The following GUCY1A2 variants were observed in gnomAD, a reference collection of about 807,000 sequenced individuals.
GUCY1A2 encodes guanylate cyclase 1 soluble subunit alpha 2.
In GUCY1A2, 27 loss-of-function variants were observed where a neutral mutation model predicts 63.5. That is an observed-to-expected ratio of 0.43 (90% CI 0.31 to 0.59). The LOEUF (loss-of-function observed/expected upper bound fraction) is 0.59. Ranked by LOEUF, GUCY1A2 falls within the 20% of genes least tolerant of loss-of-function variation. The pLI, the probability that GUCY1A2 is intolerant of heterozygous loss-of-function variation, is 0.11. For synonymous variants in GUCY1A2, 364 were observed against 343.5 expected (o/e 1.06, Z -0.66); for missense variants, 768 against 913.3 (o/e 0.84, Z 2.05).
chr11:106,751,203 C>A (rs1863876728), intron 6 of GUCY1A2, among the ~76,000 whole-genome samples: 1 of 152,046 alleles, frequency 6.6e-6, no homozygotes, highest in Non-Finnish European at 1.5e-5. Context: ...GCAGAAATAG[C>A]TAATTATTCA....
intron 7 of GUCY1A2, among the ~76,000 whole-genome samples, chr11:106,692,516 T>TA (rs1862642418): frequency 1.3e-5 from 2 of 152,156 alleles, no homozygotes. Context: ...CTCTTGTTTT[T>TA]ATGCTCATTT....
At chr11:106,797,982 G>T (rs1011543412) in intron 5 of GUCY1A2, among the ~76,000 whole-genome samples, 1 of 152,074 alleles carries the variant, frequency 6.6e-6, no homozygotes, top group East Asian at 1.9e-4. Flanking sequence ...CCAGGAGCTG[G>T]TTTTTTGAAA....
At chr11:106,709,504 A>AT (rs1565264801) in intron 6 of GUCY1A2, among the ~76,000 whole-genome samples, 1 of 51,478 alleles carries the variant, frequency 1.9e-5, no homozygotes, top group Non-Finnish European at 3.0e-5. Context: ...ATATAATAAT[A>AT]TATATTATTC....
rs112284213 is a variant in GUCY1A2, at chr11:106,961,895, C to T, written c.487+16724G>A. Among the ~76,000 whole-genome samples, 51 of 152,290 alleles carry T rather than the reference C, an allele frequency of 3.3e-4. No homozygotes were observed. The Middle Eastern group carries it at 0.01, about 30-fold the overall frequency. On this transcript the variant is annotated intron_variant, in intron 3 of 7. Transcript: ENST00000526355. Reference sequence around the variant, plus strand: ...GTAACCTTGTTCTAAGTAGAAATCTCCCAATGTAGGCAATCTTCATTTTAA... The same window carrying T: ...GTAACCTTGTTCTAAGTAGAAATCTTCCAATGTAGGCAATCTTCATTTTAA...
chr11:106,839,623 T>C (rs1287168691), intron 4 of GUCY1A2, among the ~76,000 whole-genome samples: 2 of 151,742 alleles, frequency 1.3e-5, no homozygotes, highest in African/African-American at 4.8e-5. Context: ...TGTCCAACAA[T>C]GATAGACTGG....
Position 106,727,627 on chromosome 11 carries a change from G to C in GUCY1A2, c.1837-18961C>G, listed in dbSNP as rs1034090195. ...ATTTAAAAAGAATTCAGTGAAAAAA[G>C]ATATACACATTTATGGAAAAAAAAT... is the stretch of plus-strand genomic sequence containing the variant. On this transcript the variant is annotated intron_variant, in intron 6 of 7. Transcript: ENST00000526355. 3.3e-5 allele frequency among the ~76,000 whole-genome samples: 5 copies of C among 152,048 alleles called. No homozygotes were observed. The East Asian group carries it at 9.7e-4, about 29-fold the overall frequency.
chr11:106,986,491 T>C (rs1025424973), intron 1 of GUCY1A2, among the ~76,000 whole-genome samples: 17 of 152,194 alleles, frequency 1.1e-4, no homozygotes, highest in African/African-American at 4.1e-4. Flanking sequence ...CGGTTTTTCC[T>C]TTCCAGCATA....
chr11:106,793,651 A>G (rs77120934), intron 5 of GUCY1A2, among the ~76,000 whole-genome samples: 6,828 of 152,226 alleles, frequency 0.045, 151 homozygotes, highest in East Asian at 0.095. Flanking sequence ...ATACAACTCA[A>G]TAGCAAAAAC....
chr11:107,012,791 ATC>A (rs1399512178), intron 1 of GUCY1A2, among the ~76,000 whole-genome samples: 3 of 152,212 alleles, frequency 2.0e-5, no homozygotes, highest in Non-Finnish European at 4.4e-5. Context: ...ATGGTAATGA[ATC>A]TGTTTCTATA....
chr11:106,775,531 T>C (rs1233854596), intron 6 of GUCY1A2, among the ~76,000 whole-genome samples: 3 of 151,952 alleles, frequency 2.0e-5, no homozygotes, highest in African/African-American at 7.3e-5. Flanking sequence ...TTCCTGTTCC[T>C]GTGAGCTCAG....
In GUCY1A2 at chr11:106,939,913, C is replaced by G; in HGVS notation, c.753G>C (p.Leu251=). ...TCTTTCCTGCAGCCTTAATCATCCC[C>G]AGCATTGCAAACCCCACAATATGGT... ...HPHHIVGFAM[L]GMIKAAGKKI... Residue 251 remains leucine (L), a synonymous_variant, in exon 4 of 8, where the codon CTG becomes CTC. Coordinates refer to ENST00000526355, the MANE Select transcript of GUCY1A2 (RefSeq NM_000855.3). 1 of 1,614,146 alleles carries G rather than the reference C, an allele frequency of 6.2e-7. No individual in the cohort carries two copies. Among genetic ancestry groups the G allele is most frequent in the East Asian group, 2.2e-5 (1 of 44,880 alleles).
At chr11:106,811,491 T>G (rs1314837084) in intron 4 of GUCY1A2, among the ~76,000 whole-genome samples, 2 of 152,130 alleles carry the variant, frequency 1.3e-5, no homozygotes, top group African/African-American at 4.8e-5. Context: ...GTTCCACTAC[T>G]ACATGGAATG....
chr11:106,965,418 T>C (rs1861115106), intron 3 of GUCY1A2, among the ~76,000 whole-genome samples: 2 of 152,200 alleles, frequency 1.3e-5, no homozygotes, highest in African/African-American at 2.4e-5. Flanking sequence ...TGTATACATG[T>C]ATGTGTATGT....
chr11:106,901,929 T>C (rs974740036), intron 4 of GUCY1A2, among the ~76,000 whole-genome samples: 1 of 152,168 alleles, frequency 6.6e-6, no homozygotes, highest in African/African-American at 2.4e-5. Context: ...CTATTGTGAA[T>C]AGTGCCGCAA....
Position 106,792,095 on chromosome 11 carries a change from T to A in GUCY1A2, c.1693-15513A>T, listed in dbSNP as rs1864672973. 7.2e-5 allele frequency among the ~76,000 whole-genome samples: 11 copies of A among 152,178 alleles called. No individual in the cohort carries two copies. The South Asian group carries it at 2.3e-3, about 32-fold the overall frequency. On this transcript the variant is annotated intron_variant, in intron 5 of 7. Transcript: ENST00000526355. ...GAATCCAGCAACAAATCAAAAAGCT[T>A]ACCCACTAACAGCCGGGCGTGGTGG... is the stretch of plus-strand genomic sequence containing the variant.
intron 3 of GUCY1A2, among the ~76,000 whole-genome samples, chr11:106,959,800 C>A (rs1861036731): frequency 6.6e-6 from 1 of 152,210 alleles, no homozygotes; most frequent in African/African-American, 2.4e-5. Context: ...CACAGGGAAA[C>A]AGTCTGGTAA....
At chr11:106,886,724 A>G (rs1456560176) in intron 4 of GUCY1A2, among the ~76,000 whole-genome samples, 1 of 152,150 alleles carries the variant, frequency 6.6e-6, no homozygotes, top group African/African-American at 2.4e-5. Flanking sequence ...GACACTTTCA[A>G]CGTGGAATAC....
intron 5 of GUCY1A2, among the ~76,000 whole-genome samples, chr11:106,786,833 A>G (rs1290006169): frequency 2.6e-5 from 4 of 152,138 alleles, no homozygotes; most frequent in Non-Finnish European, 5.9e-5. Flanking sequence ...TCCCACCACC[A>G]TATTAATACT....
chr11:106,876,400 T>C (rs1168212945), intron 4 of GUCY1A2, among the ~76,000 whole-genome samples: 1 of 149,888 alleles, frequency 6.7e-6, no homozygotes, highest in African/African-American at 2.5e-5. Context: ...AAATTAATAA[T>C]TGCTACTTTA....
Sources: gnomAD v4.1 joint callset for allele counts (sites outside exome capture counted in the v4.1 genomes callset) on GRCh38, gnomAD v4.1.1 for gene constraint, MANE v1.5 for transcripts, NCBI Gene and HGNC (gene_info 2026-07-23, HGNC 2026-07-21) for gene names.